THSD4: variants seen among roughly 807,000 people sequenced by gnomAD.
THSD4 encodes thrombospondin type 1 domain containing 4, also known as thrombospondin type-1 domain-containing protein 4.
Under a neutral mutation model 119.0 loss-of-function variants are expected in THSD4, and 69 were observed. That is an observed-to-expected ratio of 0.58 (90% CI 0.48 to 0.71). The LOEUF is 0.71. Among genes scored for constraint, THSD4 ranks in the 30% least tolerant of loss-of-function variants. THSD4 has a pLI of 0.00. For missense variants in THSD4, 1,393 were observed against 1,391.1 expected, an observed-to-expected ratio of 1.00 and a Z score of -0.02; for synonymous variants, 524 against 540.4, an observed-to-expected ratio of 0.97 and a Z score of 0.42.
intron 6 of THSD4, among the ~76,000 whole-genome samples, chr15:71,333,878 G>A (rs2045459263): frequency 6.6e-6 from 1 of 152,160 alleles, no homozygotes; most frequent in Admixed American, 6.5e-5. Flanking sequence ...GCTACAGAAG[G>A]TTGTGGCTTC....
intron 1 of THSD4, among the ~76,000 whole-genome samples, chr15:71,097,871 T>G (rs979476318): frequency 6.6e-6 from 1 of 151,954 alleles, no homozygotes; most frequent in East Asian, 1.9e-4. Flanking sequence ...TGAGGCAAGT[T>G]TTTTGCCAAA....
intron 6 of THSD4, among the ~76,000 whole-genome samples, chr15:71,367,373 A>G (rs1003294340): frequency 1.3e-5 from 2 of 152,222 alleles, no homozygotes. Context: ...TACATGTGCC[A>G]TGGTGGTGTG....
At chr15:71,651,016 G>A (rs2051075722) in intron 7 of THSD4, among the ~76,000 whole-genome samples, 1 of 152,188 alleles carries the variant, frequency 6.6e-6, no homozygotes, top group Non-Finnish European at 1.5e-5. Context: ...AAGAATGGGA[G>A]AGAGAGAATT....
chr15:71,698,041 C>T (rs2052202465), intron 8 of THSD4, among the ~76,000 whole-genome samples: 1 of 152,202 alleles, frequency 6.6e-6, no homozygotes, highest in Non-Finnish European at 1.5e-5. Context: ...TCCCCCTCAT[C>T]AGCTCAGCCC....
intron 6 of THSD4, among the ~76,000 whole-genome samples, chr15:71,318,198 A>G (rs1388839673): frequency 1.3e-5 from 2 of 152,182 alleles, no homozygotes; most frequent in African/African-American, 4.8e-5. Context: ...GCCATGAGCC[A>G]GAGATAAGGC....
chr15:71,473,683 G>A (rs1595801869), intron 7 of THSD4, among the ~76,000 whole-genome samples: 1 of 152,190 alleles, frequency 6.6e-6, no homozygotes, highest in South Asian at 2.1e-4. Context: ...ATGGGGCTGG[G>A]GTATCAAGGA....
At chr15:71,434,851 T>TG (rs997531546) in intron 7 of THSD4, among the ~76,000 whole-genome samples, 1 of 152,172 alleles carries the variant, frequency 6.6e-6, no homozygotes, top group Non-Finnish European at 1.5e-5. Context: ...GCACATATTC[T>TG]GGGTTTTTAA....
chr15:71,370,025 G>C (rs139668014), intron 6 of THSD4, among the ~76,000 whole-genome samples: 1,988 of 151,798 alleles, frequency 0.013, 49 homozygotes, highest in African/African-American at 0.042. Context: ...TGTATGTGTC[G>C]AGGAATTTAT....
At chr15:71,227,129 A>T (rs1230906860) in intron 4 of THSD4, among the ~76,000 whole-genome samples, 1 of 152,214 alleles carries the variant, frequency 6.6e-6, no homozygotes, top group East Asian at 1.9e-4. Flanking sequence ...GTTAGGAAGG[A>T]TTGGAGCCAG....
intron 10 of THSD4, 158 bp downstream of exon 10, chr15:71,731,375 C>CTT: frequency 1.5e-6 from 1 of 673,548 alleles, no homozygotes; most frequent in South Asian, 1.8e-5. Context: ...TTGGAGCAGG[C>CTT]TTCACCATTT....
At position 71,227,428 on chromosome 15, in the gene THSD4, A is replaced by G. The variant is rs2044026847; in HGVS notation, c.464+12029A>G. ...AGGGCTTTTCCTCCAGCGCACACCTAGTGCCAGCCTGCGATGCCTTCATAT... is the reference window on the plus strand; with the variant it reads ...AGGGCTTTTCCTCCAGCGCACACCTGGTGCCAGCCTGCGATGCCTTCATAT... On this transcript the variant is annotated intron_variant, in intron 4 of 17. Coordinates refer to ENST00000261862, the MANE Select transcript of THSD4 (RefSeq NM_024817.3). Among the ~76,000 whole-genome samples, 4 of 152,308 alleles carry G rather than the reference A, an allele frequency of 2.6e-5. No individual in the cohort carries two copies. The South Asian group carries it at 8.3e-4, about 32-fold the overall frequency.
chr15:71,742,561 G>A (rs1029574486), intron 11 of THSD4, among the ~76,000 whole-genome samples: 4 of 149,894 alleles, frequency 2.7e-5, no homozygotes, highest in East Asian at 1.9e-4. Context: ...TAAGGCAACC[G>A]AACTGATCTC....
chr15:71,234,460 C>G (rs1313904586), intron 4 of THSD4, among the ~76,000 whole-genome samples: 1 of 152,150 alleles, frequency 6.6e-6, no homozygotes, highest in Non-Finnish European at 1.5e-5. Context: ...ATATACCCAC[C>G]ACGCCCAGCT....
chr15:71,777,411 C>T lies in THSD4; in HGVS notation c.*37C>T, dbSNP rs200730384. 2 of 1,595,812 alleles carry T rather than the reference C, an allele frequency of 1.3e-6. No individual in the cohort carries two copies. The highest frequency in any genetic ancestry group is 2.7e-5 in the African/African-American group (2 of 74,666). On this transcript the variant is annotated 3_prime_UTR_variant, in exon 18 of 18. Coordinates refer to ENST00000261862, the MANE Select transcript of THSD4 (RefSeq NM_024817.3). The stretch of plus-strand genomic sequence containing the variant: ...CCCCATCAGTAGGGCAGCATCACTG[C>T]CTTCCCGGGGGCTTCAGCAGTGCGC...
At chr15:71,585,539 A>T (rs762881202) in intron 7 of THSD4, among the ~76,000 whole-genome samples, 36 of 152,196 alleles carry the variant, frequency 2.4e-4, no homozygotes, top group South Asian at 8.3e-4. Context: ...CAATTTGGTT[A>T]TAATGTGTCT....
intron 14 of THSD4, among the ~76,000 whole-genome samples, chr15:71,755,706 C>CAAAAAAAAAAAAAAAAAAAAAAAAAAAA (rs10555546): frequency 2.0e-5 from 1 of 50,280 alleles, no homozygotes; most frequent in Admixed American, 3.3e-4. Context: ...TCAGCAAAGA[C>CAAAAAAAAAAAAAAAAAAAAAAAAAAAA]AAAAAAAAAA....
Position 71,345,190 on chromosome 15 carries a change from A to G in THSD4, c.1016-66497A>G, listed in dbSNP as rs1394786035. Reference sequence around the variant, plus strand: ...TGTTTTTGTTCTGTTTCAGTATGCAAGTGGCGGGGGGTTGGGGGGGTGGGT... The same window carrying G: ...TGTTTTTGTTCTGTTTCAGTATGCAGGTGGCGGGGGGTTGGGGGGGTGGGT... On this transcript the variant is annotated intron_variant, in intron 6 of 17. Transcript: ENST00000261862. Among the ~76,000 whole-genome samples the G allele has an allele frequency of 3.4e-4, 5 of 14,802 alleles. No homozygotes were observed. In the South Asian group the frequency reaches 8.4e-3, roughly 25 times the overall value. 9.7% of individuals were successfully genotyped at this position (14,802 alleles called of 152,430 possible).
intron 8 of THSD4, among the ~76,000 whole-genome samples, chr15:71,697,301 C>T (rs1435100764): frequency 3.3e-5 from 5 of 152,146 alleles, no homozygotes; most frequent in Non-Finnish European, 5.9e-5. Context: ...AGGACAGCAG[C>T]ATGAACAAGA....
At chr15:71,757,765 A>T in intron 14 of THSD4, 137 bp from the exon 15 acceptor site, 1 of 1,094,252 alleles carries the variant, frequency 9.1e-7, no homozygotes, top group Non-Finnish European at 1.3e-6. Context: ...TAGGCTATGC[A>T]CGAGAAGCTG....
Sources: allele counts gnomAD v4.1 joint callset (sites outside exome capture counted in the v4.1 genomes callset), GRCh38; gene constraint gnomAD v4.1.1; transcripts MANE v1.5; gene names NCBI Gene and HGNC (gene_info 2026-07-23, HGNC 2026-07-21).